The following KLRG2 variants were observed in gnomAD, a reference collection of about 807,000 sequenced individuals.
KLRG2 encodes the protein killer cell lectin like receptor G2.
In KLRG2, 39 loss-of-function variants were observed where a neutral mutation model predicts 35.4. The observed-to-expected ratio is 1.10, with a 90% CI of 0.85 to 1.44. The LOEUF (loss-of-function observed/expected upper bound fraction) is 1.44. Ranked by LOEUF, KLRG2 falls within the 40% of genes most tolerant of loss-of-function variation. KLRG2 has a pLI of 0.00. For synonymous variants in KLRG2, 283 were observed against 265.8 expected (o/e 1.06, Z -0.63); for missense variants, 632 against 570.9 (o/e 1.11, Z -1.09).
chr7:139,466,307 G>A (rs1022592839), intron 3 of KLRG2, among the ~76,000 whole-genome samples: 11 of 152,244 alleles, frequency 7.2e-5, no homozygotes, highest in African/African-American at 1.2e-4. Context: ...GAAGGCCACC[G>A]CGGTCATTTC....
chr7:139,461,218 G>A (rs1308189261), intron 3 of KLRG2, among the ~76,000 whole-genome samples: 1 of 152,076 alleles, frequency 6.6e-6, no homozygotes, highest in South Asian at 2.1e-4. Flanking sequence ...CTGCACTCCA[G>A]CCTGGGTGAC....
the KLRG2 span, among the ~76,000 whole-genome samples, chr7:139,434,688 T>C: frequency 2.2e-4 from 33 of 152,346 alleles, no homozygotes; most frequent in Non-Finnish European, 3.8e-4. Context: ...CAGCACGCTG[T>C]GTTCTTACAG....
downstream of KLRG2, among the ~76,000 whole-genome samples, chr7:139,452,158 C>T (rs1288919190): frequency 6.6e-6 from 1 of 151,908 alleles, no homozygotes; most frequent in African/African-American, 2.4e-5. Flanking sequence ...TTAGTAGAGA[C>T]AGGGTTTCAC....
intron 3 of KLRG2, among the ~76,000 whole-genome samples, chr7:139,457,951 C>T (rs1202075331): frequency 2.0e-5 from 3 of 152,162 alleles, no homozygotes; most frequent in African/African-American, 7.2e-5. Context: ...GTGGATTCTC[C>T]AACTTTTCCA....
chr7:139,447,107 T>C, the KLRG2 span, among the ~76,000 whole-genome samples: 1 of 152,226 alleles, frequency 6.6e-6, no homozygotes, highest in East Asian at 1.9e-4. Context: ...TGACAGAAAG[T>C]CCTTATTCTT....
chr7:139,468,324 C>A (rs1024613649), intron 3 of KLRG2, among the ~76,000 whole-genome samples: 6 of 152,142 alleles, frequency 3.9e-5, no homozygotes, highest in African/African-American at 1.4e-4. Flanking sequence ...GTCTCTCGTT[C>A]CACCTAACAA....
Position 139,479,742 on chromosome 7 carries a change from C to T in KLRG2, c.890G>A (p.Trp297Ter). 1.2e-6 allele frequency: 2 copies of T among 1,614,026 alleles called. No homozygotes were observed. The highest frequency in any genetic ancestry group is 1.7e-6 in the Non-Finnish European group (2 of 1,180,002). The change falls in exon 3 of 5, where the codon TGG (tryptophan) becomes TAG (stop). Residue 297 changes from tryptophan (W) to a stop codon, truncating the protein, a stop_gained. Transcript: ENST00000340940. LOFTEE classifies it high-confidence loss of function. The stretch of plus-strand genomic sequence containing the variant: ...GTAACAGTGCTCCTCGGACAACACC[C>T]AGCCTGGGGGGCACTGCTGGCATCT... ...GARCQQCPPG[W>*]VLSEEHCYYF... is the part of the protein sequence containing the mutation.
At chr7:139,454,242 C>A (rs1796421452) in intron 3 of KLRG2, 28 bp from the exon 4 acceptor site, 7 of 1,118,006 alleles carry the variant, frequency 6.3e-6, no homozygotes, top group Non-Finnish European at 9.3e-6. Context: ...GCTGGTCACT[C>A]CCCTGGACAC....
chr7:139,482,938 G>C lies in KLRG2; in HGVS notation c.705C>G (p.Pro235=), dbSNP rs768832565. 15 of 1,490,800 alleles carry C rather than the reference G, an allele frequency of 1.0e-5. No homozygotes were observed. The highest frequency in any genetic ancestry group is 1.3e-5 in the Non-Finnish European group (15 of 1,130,968). The allele number at this position is 1,490,800 out of a possible 1,614,324, so 92.3% of individuals were successfully genotyped here. A position where few individuals can be genotyped will look rare whatever the true frequency, so the allele number is the denominator to read the frequency against. ...TCTCGTCGCCGTCCAACCCCGCGCG[G>C]GGCAACAGCGCCGCATCCTCCTTCT... ...GLEKEDAALL[P]RAGLDGDEKL... Residue 235 remains proline, a synonymous_variant, in exon 1 of 5, where the codon CCC becomes CCG. Coordinates refer to ENST00000340940, the MANE Select transcript of KLRG2 (RefSeq NM_198508.4).
chr7:139,436,981 G>A, the KLRG2 span, among the ~76,000 whole-genome samples: 1 of 152,182 alleles, frequency 6.6e-6, no homozygotes, highest in African/African-American at 2.4e-5. Flanking sequence ...GTGTGTGCAA[G>A]GACCTTACGG....
At chr7:139,441,156 T>C in the KLRG2 span, among the ~76,000 whole-genome samples, 1 of 152,240 alleles carries the variant, frequency 6.6e-6, no homozygotes, top group African/African-American at 2.4e-5. Context: ...ATCATGCTAC[T>C]ATAAATACAC....
Position 139,483,276 on chromosome 7 carries a change from C to G in KLRG2, c.367G>C (p.Glu123Gln), listed in dbSNP as rs755352217. 2.6e-6 allele frequency: 4 copies of G among 1,560,090 alleles called. No individual in the cohort carries two copies. The East Asian group carries it at 9.9e-5, about 38-fold the overall frequency. The change falls in exon 1 of 5, where the codon GAG (glutamate) becomes CAG (glutamine). Residue 123 changes from glutamate to glutamine, a missense_variant. Glu to Gln is a conservative substitution (Grantham distance 29, BLOSUM62 2). Coordinates refer to ENST00000340940, the MANE Select transcript of KLRG2 (RefSeq NM_198508.4). ...TTCACGCGCACATCTACCTGCAGCT[C>G]CATGGGCGCCCAGGCGCTGGGCGCA... ...EPAPSAWAPM[E>Q]LQVDVRVKPV... is the part of the protein sequence containing the mutation.
downstream of KLRG2, among the ~76,000 whole-genome samples, chr7:139,452,394 A>G (rs889820102): frequency 1.3e-5 from 2 of 152,194 alleles, no homozygotes; most frequent in African/African-American, 4.8e-5. Flanking sequence ...GCATGTGTAT[A>G]CCTATGTAAC....
At chr7:139,429,375 TTTTTC>T in the KLRG2 span, among the ~76,000 whole-genome samples, 1 of 136,268 alleles carries the variant, frequency 7.3e-6, no homozygotes, top group Non-Finnish European at 1.6e-5. Context: ...GGTGTTTTTC[TTTTTC>T]TTTTTCTTTT....
At chr7:139,435,405 G>A in the KLRG2 span, among the ~76,000 whole-genome samples, 9 of 152,210 alleles carry the variant, frequency 5.9e-5, no homozygotes, top group South Asian at 1.5e-3. Context: ...CAGGAGAATC[G>A]CTTGAACCCT....
intron 3 of KLRG2, among the ~76,000 whole-genome samples, chr7:139,471,439 A>T (rs1316738852): frequency 6.6e-6 from 1 of 152,142 alleles, no homozygotes; most frequent in East Asian, 1.9e-4. Flanking sequence ...AGGTGGGCAG[A>T]TCACCTGAGG....
At chr7:139,446,326 A>G in the KLRG2 span, among the ~76,000 whole-genome samples, 1 of 122,058 alleles carries the variant, frequency 8.2e-6, no homozygotes, top group Non-Finnish European at 1.7e-5. Flanking sequence ...CATTCTTTGC[A>G]TTTTCCAGGG....
At chr7:139,479,228 G>A (rs544501065) in intron 3 of KLRG2, among the ~76,000 whole-genome samples, 10 of 152,048 alleles carry the variant, frequency 6.6e-5, no homozygotes, top group South Asian at 4.2e-4. Flanking sequence ...GATTACAGGC[G>A]CCCGCCACCA....
intron 3 of KLRG2, among the ~76,000 whole-genome samples, chr7:139,460,076 G>A (rs551619308): frequency 1.3e-5 from 2 of 152,238 alleles, no homozygotes; most frequent in African/African-American, 4.8e-5. Flanking sequence ...AGTAGAGGGT[G>A]GGTTTCACCA....
Sources: gnomAD v4.1 joint callset for allele counts (sites outside exome capture counted in the v4.1 genomes callset) on GRCh38, gnomAD v4.1.1 for gene constraint, MANE v1.5 for transcripts, NCBI Gene and HGNC (gene_info 2026-07-23, HGNC 2026-07-21) for gene names.